Variants in PCDHGA2 observed in about 807,000 individuals in gnomAD.
PCDHGA2 encodes protocadherin gamma-A2.
PCDHGA2 carries 40 observed loss-of-function variants against 59.2 expected under a neutral mutation model. The observed-to-expected ratio is 0.68, with a 90% confidence interval of 0.52 to 0.88. The LOEUF (loss-of-function observed/expected upper bound fraction) is 0.88. Among genes scored for constraint, PCDHGA2 ranks in the 40% least tolerant of loss-of-function variants. The pLI, the probability that PCDHGA2 is intolerant of heterozygous loss-of-function variation, is 0.00. For missense variants in PCDHGA2, 1,226 were observed against 1,204.0 expected (o/e 1.02, Z -0.27); for synonymous variants, 560 against 526.0 (o/e 1.06, Z -0.89).
Position 141,490,916 on chromosome 5 carries a change from A to C in PCDHGA2, c.2425-3891A>C. 1 of 1,613,724 alleles carries C rather than the reference A, an allele frequency of 6.2e-7. No homozygotes were observed. Among genetic ancestry groups the C allele is most frequent in the Non-Finnish European group, 8.5e-7 (1 of 1,179,736 alleles). ...CATGTGTTTGTCCTAGACGAGAATG[A>C]TAATGCCCCAGCTGTGCTGCACCCA... is the stretch of plus-strand genomic sequence containing the variant. On this transcript the variant is annotated intron_variant, in intron 1 of 3. Transcript: ENST00000394576. This position sits in a 1 kb window ranked among gnomAD's most constrained non-coding sequence, Gnocchi z 5.4.
rs1245735294 is a variant in PCDHGA2, at chr5:141,397,953, C to T, written c.2424+56558C>T. 6.2e-6 allele frequency: 6 copies of T among 961,992 alleles called. No homozygotes were observed. In the Admixed American group the frequency reaches 1.2e-4, roughly 19 times the overall value. The allele number at this position is 961,992 out of a possible 1,614,324, so 59.6% of individuals were successfully genotyped here. ...CCGCAGCGCGCTTTCCAGGGCAGCC[C>T]CAGCTCAGACTCCCCAGCGCCGGCC... On this transcript the variant is annotated intron_variant, in intron 1 of 3. Transcript: ENST00000394576.
At chr5:141,359,259 T>C (rs1761158931) in intron 1 of PCDHGA2, among the ~76,000 whole-genome samples, 1 of 152,094 alleles carries the variant, frequency 6.6e-6, no homozygotes, top group African/African-American at 2.4e-5. Flanking sequence ...CCATAAAATA[T>C]AATTTGGAAA....
At chr5:141,450,831 T>TA (rs761717068) in intron 1 of PCDHGA2, among the ~76,000 whole-genome samples, 7,796 of 144,584 alleles carry the variant, frequency 0.054, 354 homozygotes, top group African/African-American at 0.12. Context: ...TTATTATTAT[T>TA]TTTTTTTTTT....
intron 1 of PCDHGA2, chr5:141,376,202 T>C: frequency 3.7e-6 from 6 of 1,614,174 alleles, no homozygotes; most frequent in Non-Finnish European, 4.2e-6. Context: ...CTTCCTGGCC[T>C]TCGTCATCGT....
intron 1 of PCDHGA2, chr5:141,367,882 A>C (rs1403559847): frequency 6.6e-6 from 1 of 152,094 alleles, no homozygotes; most frequent in Non-Finnish European, 1.5e-5. Context: ...ATTCTTCTTT[A>C]TTACTTGAGT....
intron 1 of PCDHGA2, chr5:141,355,783 G>A (rs1177303699): frequency 1.2e-6 from 2 of 1,613,802 alleles, no homozygotes; most frequent in Non-Finnish European, 1.7e-6. Flanking sequence ...CCCAGAGCTG[G>A]TGCTGGAACG....
At chr5:141,427,880 C>G in intron 1 of PCDHGA2, 5 of 1,563,170 alleles carry the variant, frequency 3.2e-6, no homozygotes, top group Non-Finnish European at 3.5e-6. Context: ...CGATGCAGGC[C>G]CACGACCAGG....
chr5:141,409,233 G>A, intron 1 of PCDHGA2: 2 of 1,614,008 alleles, frequency 1.2e-6, no homozygotes, highest in Non-Finnish European at 1.7e-6. Flanking sequence ...AACGACAACA[G>A]CCCAGAAATA....
At chr5:141,376,367 G>A in intron 1 of PCDHGA2, 1 of 1,614,224 alleles carries the variant, frequency 6.2e-7, no homozygotes, top group Non-Finnish European at 8.5e-7. Context: ...ACTCACTGCA[G>A]ACTCGCGTAA....
chr5:141,345,892 G>C (rs754807832), intron 1 of PCDHGA2: 5 of 1,612,356 alleles, frequency 3.1e-6, no homozygotes, highest in Non-Finnish European at 4.2e-6. Context: ...TTCTCGGTGG[G>C]TCTGCACACG....
chr5:141,435,934 T>A (rs1311888999), intron 1 of PCDHGA2, among the ~76,000 whole-genome samples: 2 of 152,160 alleles, frequency 1.3e-5, no homozygotes, highest in Non-Finnish European at 2.9e-5. Flanking sequence ...CAGTTGCTGC[T>A]TCTGAGACCA....
intron 1 of PCDHGA2, among the ~76,000 whole-genome samples, chr5:141,381,960 G>A (rs1283229818): frequency 6.6e-6 from 1 of 150,482 alleles, no homozygotes; most frequent in East Asian, 2.0e-4. Flanking sequence ...CTCCTGAGTA[G>A]CTGGGATTAC....
chr5:141,393,815 C>T (rs2092850609), intron 1 of PCDHGA2: 1 of 1,613,922 alleles, frequency 6.2e-7, no homozygotes, highest in Non-Finnish European at 8.5e-7. Context: ...CCAAATTGCT[C>T]ATTTCGGTGG....
At chr5:141,350,814 G>A (rs1758567733) in intron 1 of PCDHGA2, 2 of 1,614,022 alleles carry the variant, frequency 1.2e-6, no homozygotes, top group Non-Finnish European at 1.7e-6. Flanking sequence ...AGTCCTGATG[G>A]AAGTAAATAT....
At chr5:141,342,505 C>T (rs1309167023) in intron 1 of PCDHGA2, 1 of 152,110 alleles carries the variant, frequency 6.6e-6, no homozygotes, top group Non-Finnish European at 1.5e-5. Context: ...TACCATATTT[C>T]TCAAAGTGCT....
intron 2 of PCDHGA2, among the ~76,000 whole-genome samples, chr5:141,501,528 A>G (rs1173385747): frequency 6.6e-6 from 1 of 151,978 alleles, no homozygotes; most frequent in Non-Finnish European, 1.5e-5. Context: ...GAAGCCCAGT[A>G]CGTTGTTGTG....
rs186109113 is a variant in PCDHGA2, at chr5:141,415,284, G to C, written c.2424+73889G>C. ...TGTACCTGGTGGTAGCGGTGGCCGCGGTCTCCTGCGTCTTCCTGGCCTTCG... is the reference window on the plus strand; with the variant it reads ...TGTACCTGGTGGTAGCGGTGGCCGCCGTCTCCTGCGTCTTCCTGGCCTTCG... On this transcript the variant is annotated intron_variant, in intron 1 of 3. Transcript: ENST00000394576. 4,314 of 1,614,198 alleles carry C rather than the reference G, an allele frequency of 2.7e-3. 11 individuals are homozygous for C. The highest frequency in any genetic ancestry group is 7.3e-3 in the Middle Eastern group (44 of 6,062).
chr5:141,489,101 T>G lies in PCDHGA2; in HGVS notation c.2425-5706T>G. 1 of 398,408 alleles carries G rather than the reference T, an allele frequency of 2.5e-6. No homozygotes were observed. Among genetic ancestry groups the G allele is most frequent in the Non-Finnish European group, 4.5e-6 (1 of 223,328 alleles). The allele number at this position is 398,408 out of a possible 1,614,324, so 24.7% of individuals were successfully genotyped here. On this transcript the variant is annotated intron_variant, in intron 1 of 3. Transcript: ENST00000394576. The surrounding 1 kb of genome is among the most constrained non-coding windows in gnomAD (Gnocchi z 4.5). Reference sequence around the variant, plus strand: ...CCGCCACTCGGTGACTAAGAACTGCTGCAAGCAGGCAAACCTCCGAGCAGT... The same window carrying G: ...CCGCCACTCGGTGACTAAGAACTGCGGCAAGCAGGCAAACCTCCGAGCAGT...
At chr5:141,410,403 A>G (rs752705682) in intron 1 of PCDHGA2, 2 of 1,614,028 alleles carry the variant, frequency 1.2e-6, no homozygotes, top group Admixed American at 1.7e-5. Context: ...CTCTGTGTCA[A>G]GTCTGGACCT....
Sources: gnomAD v4.1 joint callset for allele counts (sites outside exome capture counted in the v4.1 genomes callset) on GRCh38, gnomAD v4.1.1 for gene constraint, Gnocchi (gnomAD v3.1) non-coding constraint, MANE v1.5 for transcripts, NCBI Gene and HGNC (gene_info 2026-07-23, HGNC 2026-07-21) for gene names.